The following ANKS4B variants were observed in gnomAD, a reference collection of about 807,000 sequenced individuals.
ANKS4B encodes ankyrin repeat and sterile alpha motif domain containing 4B.
In ANKS4B, 21 loss-of-function variants were observed where a neutral mutation model predicts 20.2. The ratio of observed to expected loss-of-function variants is 1.04; its 90% CI spans 0.74 to 1.50. ANKS4B has a LOEUF of 1.50. Among genes scored for constraint, ANKS4B ranks in the 40% most tolerant of loss-of-function variants. The pLI is 0.00. For synonymous variants in ANKS4B, 179 were observed against 194.5 expected, an observed-to-expected ratio of 0.92 and a Z score of 0.66; for missense variants, 473 against 494.6, an observed-to-expected ratio of 0.96 and a Z score of 0.41.
intron 1 of ANKS4B, among the ~76,000 whole-genome samples, chr16:21,236,753 C>A (rs1597603128): frequency 1.3e-5 from 2 of 151,836 alleles, no homozygotes; most frequent in African/African-American, 4.8e-5. Context: ...ATGAGCTGAA[C>A]CCAGAAAATT....
Position 21,250,002 on chromosome 16 carries a change from C to G in ANKS4B, c.436C>G (p.Gln146Glu). 1 of 1,614,184 alleles carries G rather than the reference C, an allele frequency of 6.2e-7. No homozygotes were observed. Among genetic ancestry groups the G allele is most frequent in the East Asian group, 2.2e-5 (1 of 44,884 alleles). ...KEQAQKNARR[Q>E]IKECERLQEK... ...GCAGGCTCAGAAGAATGCCAGGAGG[C>G]AGATCAAAGAGTGTGAGAGGCTCCA... Residue 146 changes from glutamine (Q) to glutamate (E), a missense_variant, in exon 2 of 2, where the codon CAG becomes GAG. By Grantham distance (29) the Gln-to-Glu change is conservative (BLOSUM62 2). Coordinates refer to ENST00000311620, the MANE Select transcript of ANKS4B (RefSeq NM_145865.3).
chr16:21,247,250 A>G (rs1215822017), intron 1 of ANKS4B, among the ~76,000 whole-genome samples: 1 of 152,046 alleles, frequency 6.6e-6, no homozygotes, highest in Admixed American at 6.6e-5. Context: ...TTTTTAGTAG[A>G]GACAGGGTTT....
In ANKS4B at chr16:21,250,374, G is replaced by C; in HGVS notation, c.808G>C (p.Gly270Arg). 6.2e-7 allele frequency: 1 copy of C among 1,614,168 alleles called. No homozygotes were observed. Among genetic ancestry groups the C allele is most frequent in the African/African-American group, 1.3e-5 (1 of 75,044 alleles). Reference sequence around the variant, plus strand: ...CCATGAATCCATTCTCAATCGTCCAGGTCTAGGAAGTATTGTTTTTAGAAG... The same window carrying C: ...CCATGAATCCATTCTCAATCGTCCACGTCTAGGAAGTATTGTTTTTAGAAG... ...VHHESILNRP[G>R]LGSIVFRRNR... The change falls in exon 2 of 2, where the codon GGT becomes CGT. Residue 270 changes from glycine (G) to arginine (R), a missense_variant. Coordinates refer to ENST00000311620, the MANE Select transcript of ANKS4B (RefSeq NM_145865.3).
rs2093341917 is a variant in ANKS4B, at chr16:21,253,424, AGTT to A, written c.*2607_*2609del. On this transcript the variant is annotated 3_prime_UTR_variant, in exon 2 of 2. Coordinates refer to ENST00000311620, the MANE Select transcript of ANKS4B (RefSeq NM_145865.3). ...TACCTTATCTTGTGGAATAAACTGA[AGTT>A]GTGCTTTCCTTCATTAACGTGCACA... is the stretch of plus-strand genomic sequence containing the variant. 1 of 152,188 alleles carries A rather than the reference AGTT, an allele frequency of 6.6e-6. No individual in the cohort carries two copies. The highest frequency in any genetic ancestry group is 6.5e-5 in the Admixed American group (1 of 15,272). 9.4% of individuals were successfully genotyped at this position (152,188 alleles called of 1,614,324 possible).
chr16:21,245,099 T>C (rs1412483808), intron 1 of ANKS4B, among the ~76,000 whole-genome samples: 1 of 152,190 alleles, frequency 6.6e-6, no homozygotes, highest in African/African-American at 2.4e-5. Context: ...CTTTACTATA[T>C]TTTTCTTTTA....
chr16:21,250,444 A>G lies in ANKS4B; in HGVS notation c.878A>G (p.Glu293Gly), dbSNP rs988128401. The change falls in exon 2 of 2, where the codon GAG becomes GGG. Residue 293 changes from glutamate to glycine, a missense_variant. By Grantham distance (98) the Glu-to-Gly change is moderately conservative. Coordinates refer to ENST00000311620, the MANE Select transcript of ANKS4B (RefSeq NM_145865.3). The part of the protein sequence containing the change: ...SPEDISDSKR[E>G]FGFKLPSELL... ...GAAGACATCTCAGATAGCAAGAGAG[A>G]GTTTGGTTTTAAACTGCCCAGTGAA... is the stretch of plus-strand genomic sequence containing the variant. 3.7e-6 allele frequency: 6 copies of G among 1,614,132 alleles called. No individual in the cohort carries two copies. Among genetic ancestry groups the G allele is most frequent in the Non-Finnish European group, 5.1e-6 (6 of 1,180,032 alleles).
At chr16:21,237,798 G>T (rs1393532241) in intron 1 of ANKS4B, among the ~76,000 whole-genome samples, 1 of 152,176 alleles carries the variant, frequency 6.6e-6, no homozygotes, top group Non-Finnish European at 1.5e-5. Context: ...AAATAGTTTT[G>T]TGTGTGTGTA....
chr16:21,250,698 T>C lies in ANKS4B; in HGVS notation c.1132T>C (p.Ser378Pro). The C allele has an allele frequency of 1.2e-6, 2 of 1,613,308 alleles. No homozygotes were observed. Among genetic ancestry groups the C allele is most frequent in the Non-Finnish European group, 1.7e-6 (2 of 1,179,242 alleles). ...TGATCTAGAAGCTCTGCTGCTCTGC[T>C]CTGATGAGGACCTTCAGAGCATACA... is the stretch of plus-strand genomic sequence containing the variant. ...QIDLEALLLC[S>P]DEDLQSIQMQ... Residue 378 changes from serine to proline, a missense_variant, in exon 2 of 2, where the codon TCT becomes CCT. Physicochemically the swap from Ser to Pro is moderately conservative, Grantham distance 74. Coordinates refer to ENST00000311620, the MANE Select transcript of ANKS4B (RefSeq NM_145865.3).
rs767504274 is a variant in ANKS4B at position 21,250,458 on chromosome 16, C to T, written c.892C>T (p.Leu298=). 1.9e-6 allele frequency: 3 copies of T among 1,613,984 alleles called. No individual in the cohort carries two copies. The Admixed American group carries it at 5.0e-5, about 27-fold the overall frequency. The change falls in exon 2 of 2, where the codon CTG becomes TTG. Residue 298 remains leucine, a synonymous_variant. Coordinates refer to ENST00000311620, the MANE Select transcript of ANKS4B (RefSeq NM_145865.3). Reference sequence around the variant, plus strand: ...TAGCAAGAGAGAGTTTGGTTTTAAACTGCCCAGTGAATTGCTTCAAAGACA... The same window carrying T: ...TAGCAAGAGAGAGTTTGGTTTTAAATTGCCCAGTGAATTGCTTCAAAGACA... ...SDSKREFGFK[L]PSELLQRQGA...
chr16:21,239,849 G>A (rs1363433122), intron 1 of ANKS4B, among the ~76,000 whole-genome samples: 3 of 152,174 alleles, frequency 2.0e-5, no homozygotes, highest in Admixed American at 6.5e-5. Flanking sequence ...ATAAGTGGGA[G>A]CTAAATGATG....
intron 1 of ANKS4B, among the ~76,000 whole-genome samples, chr16:21,248,742 T>A (rs568732627): frequency 6.6e-6 from 1 of 152,152 alleles, no homozygotes; most frequent in East Asian, 1.9e-4. Context: ...AAAAAAATTA[T>A]ATAAACTTAT....
chr16:21,238,034 G>A (rs987055966), intron 1 of ANKS4B, among the ~76,000 whole-genome samples: 2 of 152,092 alleles, frequency 1.3e-5, no homozygotes, highest in East Asian at 1.9e-4. Context: ...GGTGGTGCAC[G>A]CCTATAATCC....
intron 1 of ANKS4B, among the ~76,000 whole-genome samples, chr16:21,239,545 C>A (rs534596469): frequency 6.6e-6 from 1 of 152,304 alleles, no homozygotes; most frequent in East Asian, 1.9e-4. Context: ...CACGCCACTG[C>A]ACTCCAGCCT....
chr16:21,247,244 T>C (rs1455307001), intron 1 of ANKS4B, among the ~76,000 whole-genome samples: 1 of 152,162 alleles, frequency 6.6e-6, no homozygotes, highest in Non-Finnish European at 1.5e-5. Context: ...TTTGTATTTT[T>C]AGTAGAGACA....
At chr16:21,235,218 G>A (rs190181123) in intron 1 of ANKS4B, among the ~76,000 whole-genome samples, 123 of 152,312 alleles carry the variant, frequency 8.1e-4, no homozygotes, top group African/African-American at 2.7e-3. Context: ...TCTCAGGGGT[G>A]AGGGAAGGCT....
At chr16:21,239,657 G>A (rs1385560254) in intron 1 of ANKS4B, among the ~76,000 whole-genome samples, 1 of 152,164 alleles carries the variant, frequency 6.6e-6, no homozygotes, top group Admixed American at 6.5e-5. Context: ...CATGGAATCA[G>A]CCTAAATGTC....
At position 21,250,359 on chromosome 16, in the gene ANKS4B, A is replaced by C. The variant is rs1327768345; in HGVS notation, c.793A>C (p.Ile265Leu). The stretch of plus-strand genomic sequence containing the variant: ...GGACGGCAGTGTGCACCATGAATCC[A>C]TTCTCAATCGTCCAGGTCTAGGAAG... ...EEDGSVHHES[I>L]LNRPGLGSIV... The change falls in exon 2 of 2, where the codon ATT becomes CTT. Residue 265 changes from isoleucine to leucine, a missense_variant. Coordinates refer to ENST00000311620, the MANE Select transcript of ANKS4B (RefSeq NM_145865.3). The C allele has an allele frequency of 2.5e-6, 4 of 1,614,104 alleles. No homozygotes were observed. In the African/African-American group the frequency reaches 5.3e-5, roughly 22 times the overall value.
chr16:21,251,086 G>C lies in ANKS4B; in HGVS notation c.*266G>C, dbSNP rs962252689. The C allele has an allele frequency of 1.0e-5, 4 of 396,200 alleles. No homozygotes were observed. Among genetic ancestry groups the C allele is most frequent in the African/African-American group, 7.9e-5 (4 of 50,464 alleles). 24.5% of individuals were successfully genotyped at this position (396,200 alleles called of 1,614,324 possible). Reference sequence around the variant, plus strand: ...CTTATATGTACATATAATTGTTTTTGTGGTTGTTTTGTTTTGTTTTGTTTT... The same window carrying C: ...CTTATATGTACATATAATTGTTTTTCTGGTTGTTTTGTTTTGTTTTGTTTT... On this transcript the variant is annotated 3_prime_UTR_variant, in exon 2 of 2. Transcript: ENST00000311620.
At chr16:21,244,944 G>A (rs1322898663) in intron 1 of ANKS4B, among the ~76,000 whole-genome samples, 1 of 151,982 alleles carries the variant, frequency 6.6e-6, no homozygotes. Context: ...CTCTGGTCAC[G>A]CTGATCTATA....
Sources: gnomAD v4.1 joint callset for allele counts (sites outside exome capture counted in the v4.1 genomes callset) on GRCh38, gnomAD v4.1.1 for gene constraint, MANE v1.5 for transcripts, NCBI Gene and HGNC (gene_info 2026-07-23, HGNC 2026-07-21) for gene names.